Variants in ZC3H12B observed in about 807,000 individuals in gnomAD.
ZC3H12B encodes the protein probable ribonuclease ZC3H12B.
In ZC3H12B, 7 loss-of-function variants were observed where a neutral mutation model predicts 43.9. The observed-to-expected ratio is 0.16, with a 90% CI of 0.09 to 0.30. The LOEUF is 0.30. Ranked by LOEUF, ZC3H12B falls within the 10% of genes least tolerant of loss-of-function variation. The pLI is 1.00. For missense variants in ZC3H12B, 475 were observed against 670.2 expected (o/e 0.71, Z 3.22); for synonymous variants, 222 against 241.7 (o/e 0.92, Z 0.76).
chrX:65,234,002 T>C, the ZC3H12B span, among the ~76,000 whole-genome samples: 1 of 111,136 alleles, frequency 9.0e-6, no homozygotes, highest in Non-Finnish European at 1.9e-5. Flanking sequence ...AGGGACTAAT[T>C]CTAAATTCAT....
the ZC3H12B span, among the ~76,000 whole-genome samples, chrX:65,206,207 C>T: frequency 8.9e-6 from 1 of 111,826 alleles, no homozygotes; most frequent in African/African-American, 3.2e-5. Flanking sequence ...ATAGCCAAAG[C>T]AAGACTAAGT....
chrX:65,296,885 AC>A, the ZC3H12B span, among the ~76,000 whole-genome samples: 3 of 111,793 alleles, frequency 2.7e-5, no homozygotes, highest in African/African-American at 9.7e-5. Context: ...CACTGCATAA[AC>A]ATAATTAAAA....
At chrX:65,346,899 C>T in the ZC3H12B span, among the ~76,000 whole-genome samples, 1 of 112,419 alleles carries the variant, frequency 8.9e-6, no homozygotes, top group African/African-American at 3.2e-5. Flanking sequence ...AACGTCCCTG[C>T]CTGATGACTC....
At chrX:65,048,084 C>T in the ZC3H12B span, among the ~76,000 whole-genome samples, 28 of 110,903 alleles carry the variant, frequency 2.5e-4, no homozygotes, top group Admixed American at 9.6e-5. Flanking sequence ...CACATTTCCC[C>T]GTTTCCCTGG....
At chrX:65,338,863 C>T in the ZC3H12B span, among the ~76,000 whole-genome samples, 4 of 111,797 alleles carry the variant, frequency 3.6e-5, no homozygotes, top group South Asian at 1.5e-3. Context: ...AGGAAAATAT[C>T]TCAAAATAAT....
chrX:65,425,902 G>A (rs1466702421), intron 3 of ZC3H12B, among the ~76,000 whole-genome samples: 1 of 111,443 alleles, frequency 9.0e-6, no homozygotes, highest in Admixed American at 9.5e-5. Flanking sequence ...TGTTCATCAA[G>A]CATATGGCCT....
intron 2 of ZC3H12B, among the ~76,000 whole-genome samples, chrX:65,385,709 C>A (rs748267654): frequency 8.1e-5 from 9 of 111,659 alleles, no homozygotes; most frequent in African/African-American, 2.9e-4. Flanking sequence ...GAGAGGGAAT[C>A]CCTGTCTTGT....
At chrX:65,436,872 C>T (rs777999114) in intron 3 of ZC3H12B, among the ~76,000 whole-genome samples, 71 of 111,119 alleles carry the variant, frequency 6.4e-4, no homozygotes, top group African/African-American at 2.1e-3. Context: ...TATTTTAAAA[C>T]GTACAACAAA....
At chrX:65,340,542 G>A in the ZC3H12B span, among the ~76,000 whole-genome samples, 1 of 111,795 alleles carries the variant, frequency 8.9e-6, no homozygotes, top group African/African-American at 3.3e-5. Context: ...CAAAATTAGG[G>A]CCCAATACAG....
intron 3 of ZC3H12B, among the ~76,000 whole-genome samples, chrX:65,452,439 A>G (rs1230802198): frequency 1.9e-5 from 2 of 103,263 alleles, no homozygotes; most frequent in African/African-American, 7.0e-5. Context: ...ACAATAGCTG[A>G]AAAAAAAAAA....
intron 3 of ZC3H12B, among the ~76,000 whole-genome samples, chrX:65,445,679 C>A (rs1447321468): frequency 8.9e-6 from 1 of 112,219 alleles, no homozygotes; most frequent in African/African-American, 3.2e-5. Context: ...ATTCAAGGCA[C>A]AAGGGCTCTT....
chrX:65,320,994 A>C, the ZC3H12B span, among the ~76,000 whole-genome samples: 1 of 112,287 alleles, frequency 8.9e-6, no homozygotes, highest in Admixed American at 9.5e-5. Flanking sequence ...CCTGGTAAAA[A>C]TTTTATGACA....
At chrX:65,462,472 G>T (rs779509373) in intron 3 of ZC3H12B, among the ~76,000 whole-genome samples, 192 of 111,585 alleles carry the variant, frequency 1.7e-3, no homozygotes, top group African/African-American at 5.8e-3. Flanking sequence ...ACGCCACTGT[G>T]CCTGAGGGAC....
the ZC3H12B span, among the ~76,000 whole-genome samples, chrX:65,159,938 T>G: frequency 6.7e-3 from 754 of 111,938 alleles, 10 homozygotes; most frequent in African/African-American, 0.023. Context: ...ATACGTCCCA[T>G]CAATACCTAA....
intron 3 of ZC3H12B, among the ~76,000 whole-genome samples, chrX:65,433,362 T>C (rs1184912470): frequency 8.9e-6 from 1 of 112,167 alleles, no homozygotes; most frequent in Non-Finnish European, 1.9e-5. Context: ...TTTGGTTTAC[T>C]ATTATCATGG....
the ZC3H12B span, among the ~76,000 whole-genome samples, chrX:65,127,144 G>A: frequency 9.0e-6 from 1 of 111,378 alleles, no homozygotes; most frequent in Admixed American, 9.5e-5. Flanking sequence ...TCAGAGGGAA[G>A]ATCTGGGATT....
intron 3 of ZC3H12B, among the ~76,000 whole-genome samples, chrX:65,448,877 G>A (rs189143221): frequency 3.1e-4 from 29 of 94,698 alleles, no homozygotes; most frequent in Non-Finnish European, 5.4e-4. Context: ...GGGAGGGAGG[G>A]AAATAAATAA....
the ZC3H12B span, among the ~76,000 whole-genome samples, chrX:65,316,923 A>C: frequency 8.9e-6 from 1 of 111,982 alleles, no homozygotes; most frequent in South Asian, 3.7e-4. Context: ...AATGAAACCC[A>C]CAGGCTCAAA....
At chrX:65,352,295 A>G in the ZC3H12B span, among the ~76,000 whole-genome samples, 1 of 111,333 alleles carries the variant, frequency 9.0e-6, no homozygotes, top group Admixed American at 9.5e-5. Flanking sequence ...GGATGGGAAC[A>G]TCACACACCA....
Sources: gnomAD v4.1 joint callset for allele counts (sites outside exome capture counted in the v4.1 genomes callset) on GRCh38, gnomAD v4.1.1 for gene constraint, MANE v1.5 for transcripts, NCBI Gene and HGNC (gene_info 2026-07-23, HGNC 2026-07-21) for gene names.